The following BRINP2 variants were observed in gnomAD, a reference collection of about 807,000 sequenced individuals.
The protein encoded by BRINP2 is BMP/retinoic acid inducible neural specific 2.
In BRINP2, 21 loss-of-function variants were observed where a neutral mutation model predicts 69.2. The observed-to-expected ratio is 0.30, with a 90% CI of 0.22 to 0.44. The LOEUF (loss-of-function observed/expected upper bound fraction) is 0.44. BRINP2 is among the 20% of genes least tolerant of loss of function. The pLI is 1.00. For missense variants in BRINP2, 877 were observed against 986.0 expected (o/e 0.89, Z 1.48); for synonymous variants, 380 against 394.1 (o/e 0.96, Z 0.42).
At chr1:177,235,059 C>G (rs550077067) in intron 2 of BRINP2, among the ~76,000 whole-genome samples, 30 of 152,256 alleles carry the variant, frequency 2.0e-4, no homozygotes, top group Admixed American at 2.0e-3. Flanking sequence ...TTTTGGCAAC[C>G]TTGTAAATTT....
chr1:177,261,689 G>A (rs1650959161), intron 4 of BRINP2, among the ~76,000 whole-genome samples: 1 of 152,212 alleles, frequency 6.6e-6, no homozygotes, highest in Non-Finnish European at 1.5e-5. Context: ...ATATACACAT[G>A]TGTAGTGGGT....
In BRINP2 at chr1:177,281,503, A is replaced by T. The variant is rs748966273; in HGVS notation, c.2327A>T (p.Tyr776Phe). ...TCTAAGCTGCCAAACCCTGTGGAAT[A>T]TGAGACCGGCAAACTCTGTAGCTAA... ...FNSKLPNPVE[Y>F]ETGKLCS is the part of the protein sequence containing the mutation. The change falls in exon 8 of 8, where the codon TAT becomes TTT. Residue 776 changes from tyrosine (Y) to phenylalanine (F), a missense_variant. Physicochemically the swap from Tyr to Phe is conservative, Grantham distance 22. Coordinates refer to ENST00000361539, the MANE Select transcript of BRINP2 (RefSeq NM_021165.4). The T allele has an allele frequency of 1.9e-6, 3 of 1,608,428 alleles. No individual in the cohort carries two copies. In the South Asian group the frequency reaches 3.3e-5, roughly 18 times the overall value.
chr1:177,248,511 A>AT (rs1011193891), intron 2 of BRINP2, among the ~76,000 whole-genome samples: 45 of 137,292 alleles, frequency 3.3e-4, no homozygotes, highest in African/African-American at 9.4e-4. Flanking sequence ...GTGTGTGTGT[A>AT]TTTTTTTTTA....
chr1:177,204,944 G>C (rs1649029152), intron 1 of BRINP2, among the ~76,000 whole-genome samples: 1 of 152,036 alleles, frequency 6.6e-6, no homozygotes, highest in Non-Finnish European at 1.5e-5. Context: ...AAGTGTTCTT[G>C]TATGGCATAC....
chr1:177,275,230 A>G (rs1445393856), intron 5 of BRINP2: 1 of 456,302 alleles, frequency 2.2e-6, no homozygotes, highest in Non-Finnish European at 4.4e-6. Flanking sequence ...AACTAGGAGT[A>G]TGTTCTGCTG....
intron 2 of BRINP2, among the ~76,000 whole-genome samples, chr1:177,244,740 T>G (rs868321362): frequency 3.0e-4 from 45 of 152,328 alleles, no homozygotes; most frequent in Middle Eastern, 3.4e-3. Flanking sequence ...ATTAGGTGTT[T>G]CTTCTAGTGG....
intron 1 of BRINP2, among the ~76,000 whole-genome samples, chr1:177,189,708 C>T (rs1341787488): frequency 6.6e-6 from 1 of 152,140 alleles, no homozygotes; most frequent in African/African-American, 2.4e-5. Flanking sequence ...GAGGCCTCCA[C>T]ATTGAGATGT....
In BRINP2 at chr1:177,257,237, A is replaced by G. The variant is rs1490167465; in HGVS notation, c.522A>G (p.Thr174=). 8.7e-6 allele frequency: 14 copies of G among 1,614,030 alleles called. No homozygotes were observed. The highest frequency in any genetic ancestry group is 1.2e-5 in the Non-Finnish European group (14 of 1,180,030). ...KQKLGRKTET[T]GGASIIGGSG... ...AACTGGGAAGAAAGACAGAGACAAC[A>G]GGAGGTGCCTCTATAATCGGGGGCA... The change falls in exon 4 of 8, where the codon ACA becomes ACG. Residue 174 remains threonine, a synonymous_variant. Transcript: ENST00000361539.
chr1:177,264,435 C>T (rs1651057977), intron 4 of BRINP2, among the ~76,000 whole-genome samples: 1 of 152,136 alleles, frequency 6.6e-6, no homozygotes, highest in Admixed American at 6.5e-5. Flanking sequence ...TCCTATTTAA[C>T]TAGTACTGGA....
chr1:177,276,611 A>AT (rs1651503537), intron 6 of BRINP2, among the ~76,000 whole-genome samples, 177 bp downstream of exon 6: 2 of 152,164 alleles, frequency 1.3e-5, no homozygotes, highest in South Asian at 4.1e-4. Context: ...AAGTGGTTTC[A>AT]TTTTTTTCTA....
chr1:177,278,541 G>A (rs1466481099), intron 6 of BRINP2, 22 bp from the exon 7 acceptor site: 1 of 1,612,048 alleles, frequency 6.2e-7, no homozygotes, highest in Non-Finnish European at 8.5e-7. Flanking sequence ...CGTCAGCTCA[G>A]GTCCTGTGTT....
In BRINP2 at chr1:177,171,699, G is replaced by GATACAGC. The variant is rs1451145044; in HGVS notation, c.-108_-102dup. On this transcript the variant is annotated 5_prime_UTR_variant, in exon 1 of 8. Transcript: ENST00000361539. ...GTCGTTGAAGGTTTGGGGAGCAGCT[G>GATACAGC]ATACAGCAAGGAGGGCTCTTGCAAG... 2.6e-5 allele frequency: 4 copies of GATACAGC among 152,286 alleles called. No homozygotes were observed. Among genetic ancestry groups the GATACAGC allele is most frequent in the Non-Finnish European group, 5.9e-5 (4 of 68,098 alleles). 9.4% of individuals were successfully genotyped at this position (152,286 alleles called of 1,614,324 possible).
At chr1:177,275,614 A>G (rs899406041) in intron 5 of BRINP2, among the ~76,000 whole-genome samples, 1 of 152,126 alleles carries the variant, frequency 6.6e-6, no homozygotes, top group Non-Finnish European at 1.5e-5. Context: ...TATAAAAAGT[A>G]CTCAACATAG....
chr1:177,211,599 G>A (rs1649223686), intron 1 of BRINP2, among the ~76,000 whole-genome samples: 1 of 152,160 alleles, frequency 6.6e-6, no homozygotes, highest in South Asian at 2.1e-4. Flanking sequence ...GTTCTGTCCA[G>A]CCCTGTGTTG....
chr1:177,230,730 G>A (rs1319048985), intron 2 of BRINP2, among the ~76,000 whole-genome samples: 1 of 152,174 alleles, frequency 6.6e-6, no homozygotes, highest in East Asian at 1.9e-4. Flanking sequence ...AGACTCCTGA[G>A]ACCTGCCTAA....
rs558840876 is a variant in BRINP2 at position 177,256,728 on chromosome 1, TC to T, written c.461-447del. 1.0e-4 allele frequency: 113 copies of T among 1,080,570 alleles called. No homozygotes were observed. In the South Asian group the frequency reaches 2.8e-3, roughly 27 times the overall value. 66.9% of individuals were successfully genotyped at this position (1,080,570 alleles called of 1,614,324 possible). A position where few individuals can be genotyped will look rare whatever the true frequency, so the allele number is the denominator to read the frequency against. ...CACTGTCCAATCGACTAAAACAAGC[TC>T]TCCCAGGGCTCGGGCCAGCTGTCGG... On this transcript the variant is annotated intron_variant, in intron 3 of 7. Transcript: ENST00000361539.
At position 177,260,779 on chromosome 1, in the gene BRINP2, T is replaced by C. The variant is rs533272913; in HGVS notation, c.669+3395T>C. ...TACATTGTTTGTTCAGACATAATGC[T>C]ATTGAACACTTAATAGACTACAGTA... is the stretch of plus-strand genomic sequence containing the variant. On this transcript the variant is annotated intron_variant, in intron 4 of 7. Transcript: ENST00000361539. Among the ~76,000 whole-genome samples, 3 of 152,354 alleles carry C rather than the reference T, an allele frequency of 2.0e-5. No homozygotes were observed. The South Asian group carries it at 6.2e-4, about 32-fold the overall frequency.
intron 1 of BRINP2, among the ~76,000 whole-genome samples, chr1:177,226,294 T>A (rs2102322576): frequency 6.6e-6 from 1 of 152,336 alleles, no homozygotes. Flanking sequence ...AATTGATTCA[T>A]CAAATATTTT....
intron 2 of BRINP2, among the ~76,000 whole-genome samples, chr1:177,239,959 C>A (rs966208899): frequency 3.3e-5 from 5 of 152,186 alleles, no homozygotes; most frequent in Admixed American, 6.5e-5. Flanking sequence ...CCTCTTTCCT[C>A]CTCCTCTGCA....
Sources: gnomAD v4.1 joint callset for allele counts (sites outside exome capture counted in the v4.1 genomes callset) on GRCh38, gnomAD v4.1.1 for gene constraint, MANE v1.5 for transcripts, NCBI Gene and HGNC (gene_info 2026-07-23, HGNC 2026-07-21) for gene names.